The following CLSTN2 variants were observed in gnomAD, a reference collection of about 807,000 sequenced individuals.
The protein encoded by CLSTN2 is calsyntenin-2.
A neutral mutation model predicts 101.2 loss-of-function variants in CLSTN2; 48 were observed. The ratio of observed to expected loss-of-function variants is 0.47; its 90% CI spans 0.38 to 0.60. CLSTN2 has a LOEUF of 0.60. CLSTN2 is among the 20% of genes least tolerant of loss of function. The pLI is 0.00. For missense variants in CLSTN2, 1,160 were observed against 1,238.2 expected (o/e 0.94, Z 0.95); for synonymous variants, 481 against 463.6 (o/e 1.04, Z -0.48).
At chr3:140,081,500 C>T (rs944389552) in intron 1 of CLSTN2, among the ~76,000 whole-genome samples, 4 of 152,124 alleles carry the variant, frequency 2.6e-5, no homozygotes, top group South Asian at 2.1e-4. Flanking sequence ...GAGGCGGAGA[C>T]GTTTATTTTA....
chr3:140,176,217 C>A (rs2010322397), intron 2 of CLSTN2, 144 bp downstream of exon 2: 3 of 862,664 alleles, frequency 3.5e-6, no homozygotes, highest in Non-Finnish European at 5.1e-6. Flanking sequence ...AAGCTGTATG[C>A]CTCTTATTTC....
intron 2 of CLSTN2, among the ~76,000 whole-genome samples, chr3:140,367,783 C>T (rs748690209): frequency 3.3e-5 from 5 of 152,172 alleles, no homozygotes; most frequent in Non-Finnish European, 7.3e-5. Flanking sequence ...GGGAACCTCT[C>T]TGAGCCTCAA....
intron 2 of CLSTN2, among the ~76,000 whole-genome samples, chr3:140,313,214 C>T (rs1327893005): frequency 2.0e-5 from 3 of 152,160 alleles, no homozygotes; most frequent in South Asian, 4.1e-4. Flanking sequence ...TATTGAACCC[C>T]TCCCCATGTC....
At chr3:139,964,933 A>G (rs1935567526) in intron 1 of CLSTN2, among the ~76,000 whole-genome samples, 1 of 152,118 alleles carries the variant, frequency 6.6e-6, no homozygotes, top group Non-Finnish European at 1.5e-5. Context: ...CCTTCAGAGC[A>G]GTAAGTTGAC....
intron 6 of CLSTN2, among the ~76,000 whole-genome samples, chr3:140,455,703 A>C (rs1648963662): frequency 1.3e-5 from 2 of 152,186 alleles, no homozygotes; most frequent in Admixed American, 1.3e-4. Flanking sequence ...CTGTATCATC[A>C]CTGCAAGTGA....
intron 4 of CLSTN2, among the ~76,000 whole-genome samples, chr3:140,416,613 TGAC>T (rs1430813257): frequency 7.9e-5 from 12 of 152,354 alleles, no homozygotes; most frequent in African/African-American, 2.9e-4. Flanking sequence ...GTGTGGTCTT[TGAC>T]AAGTTACTTG....
chr3:139,941,588 A>C (rs1299405258), intron 1 of CLSTN2, among the ~76,000 whole-genome samples: 1 of 152,188 alleles, frequency 6.6e-6, no homozygotes. Flanking sequence ...AGACCCCCCG[A>C]AGCCTTGCAG....
chr3:140,306,852 TTATTATTATTA>T (rs1559834408), intron 2 of CLSTN2, among the ~76,000 whole-genome samples: 1,765 of 52,492 alleles, frequency 0.034, 23 homozygotes, highest in African/African-American at 0.11. Flanking sequence ...TGTCTTTTTA[TTATTATTATTA>T]TTATTATTAT....
chr3:140,284,292 A>G (rs1576498674), intron 2 of CLSTN2, among the ~76,000 whole-genome samples: 1 of 152,150 alleles, frequency 6.6e-6, no homozygotes, highest in Admixed American at 6.5e-5. Context: ...TTATTTCTGG[A>G]CTAAAAAGCA....
intron 1 of CLSTN2, among the ~76,000 whole-genome samples, chr3:140,128,148 A>T (rs1204097910): frequency 6.6e-6 from 1 of 152,184 alleles, no homozygotes; most frequent in Non-Finnish European, 1.5e-5. Context: ...TTGAGCTTTC[A>T]TCAGATTTCC....
At chr3:140,388,865 A>G (rs1239638756) in intron 2 of CLSTN2, among the ~76,000 whole-genome samples, 1 of 152,180 alleles carries the variant, frequency 6.6e-6, no homozygotes, top group Non-Finnish European at 1.5e-5. Flanking sequence ...TCTCATATAT[A>G]CCCTTTATTA....
chr3:140,175,908 T>G (rs755287527), intron 1 of CLSTN2, 43 bp from the exon 2 acceptor site: 1 of 1,582,816 alleles, frequency 6.3e-7, no homozygotes, highest in South Asian at 1.1e-5. Context: ...GGGTTTGTTA[T>G]TTAAATAATG....
chr3:140,333,682 CTGTG>C (rs10545391), intron 2 of CLSTN2, among the ~76,000 whole-genome samples: 2,636 of 147,234 alleles, frequency 0.018, 32 homozygotes, highest in African/African-American at 0.041. Context: ...AGAGTGGAGA[CTGTG>C]TGTGTGTGTG....
intron 1 of CLSTN2, among the ~76,000 whole-genome samples, chr3:139,938,140 CAAAAAA>C (rs66697366): frequency 1.1e-5 from 1 of 94,752 alleles, no homozygotes. Context: ...ATTCCCATCA[CAAAAAA>C]AAAAAAAAAA....
Position 140,236,925 on chromosome 3 carries a change from T to C in CLSTN2, c.232+60852T>C, listed in dbSNP as rs151007001. Among the ~76,000 whole-genome samples the C allele has an allele frequency of 2.6e-3, 393 of 151,654 alleles. 1 individual carries two copies. Among genetic ancestry groups the C allele is most frequent in the African/African-American group, 8.8e-3 (364 of 41,358 alleles). ...TTTTTTCTCTTCCTTCTGGAACATA[T>C]GGAATATATTTATAATATTTTAATG... is the stretch of plus-strand genomic sequence containing the variant. On this transcript the variant is annotated intron_variant, in intron 2 of 16. Transcript: ENST00000458420.
intron 1 of CLSTN2, among the ~76,000 whole-genome samples, chr3:140,139,616 A>G (rs1248595671): frequency 1.3e-5 from 2 of 152,224 alleles, no homozygotes; most frequent in Non-Finnish European, 2.9e-5. Context: ...ATGTGCAGCC[A>G]GGGTGAAAAC....
In CLSTN2 at chr3:140,348,656, G is replaced by C. The variant is rs568100573; in HGVS notation, c.233-54973G>C. On this transcript the variant is annotated intron_variant, in intron 2 of 16. Transcript: ENST00000458420. ...TACAGGAAGGTAGGCCTCAGTAGTG[G>C]GTGGAGGATAAAATTTCATACAAGA... 2.1e-4 allele frequency among the ~76,000 whole-genome samples: 32 copies of C among 152,254 alleles called. No homozygotes were observed. The South Asian group carries it at 6.4e-3, about 31-fold the overall frequency.
chr3:140,302,456 TGAAAA>T lies in CLSTN2; in HGVS notation c.233-101168_233-101164del, dbSNP rs1441714044. ...TTGTTTTCTGCTTCTTTGCTATTAA[TGAAAA>T]GAAATCCAATTTGTTCTACATGGTG... On this transcript the variant is annotated intron_variant, in intron 2 of 16. Transcript: ENST00000458420. Among the ~76,000 whole-genome samples the T allele has an allele frequency of 1.8e-4, 28 of 152,242 alleles. 1 individual carries two copies. Among genetic ancestry groups the T allele is most frequent in the Admixed American group, 1.8e-3 (28 of 15,282 alleles).
intron 1 of CLSTN2, among the ~76,000 whole-genome samples, chr3:140,070,036 T>C (rs1395818950): frequency 2.6e-5 from 4 of 152,234 alleles, no homozygotes; most frequent in Admixed American, 2.6e-4. Flanking sequence ...AAGTGCTCCA[T>C]AAACCTGACC....
Sources: allele counts gnomAD v4.1 joint callset (sites outside exome capture counted in the v4.1 genomes callset), GRCh38; gene constraint gnomAD v4.1.1; transcripts MANE v1.5; gene names NCBI Gene and HGNC (gene_info 2026-07-23, HGNC 2026-07-21).